FAT3: variants seen among roughly 807,000 people sequenced by gnomAD.
FAT3 encodes FAT atypical cadherin 3.
A neutral mutation model predicts 310.2 loss-of-function variants in FAT3; 95 were observed. That is an observed-to-expected ratio of 0.31 (90% CI 0.26 to 0.36). FAT3 has a LOEUF of 0.36. FAT3 is among the 10% of genes least tolerant of loss of function. The pLI is 1.00. For missense variants in FAT3, 5,408 were observed against 5,715.6 expected, an observed-to-expected ratio of 0.95 and a Z score of 1.74; for synonymous variants, 2,314 against 2,192.9, an observed-to-expected ratio of 1.06 and a Z score of -1.54.
intron 12 of FAT3, among the ~76,000 whole-genome samples, chr11:92,809,296 ACAATAGGGGTCCTT>A (rs910687013): frequency 6.6e-6 from 1 of 152,230 alleles, no homozygotes; most frequent in Non-Finnish European, 1.5e-5. Context: ...TAACCCTTAC[ACAATAGGGGTCCTT>A]CAAGACCCTG....
At chr11:92,812,135 GA>G (rs2136216475) in intron 13 of FAT3, among the ~76,000 whole-genome samples, 1 of 152,274 alleles carries the variant, frequency 6.6e-6, no homozygotes, top group African/African-American at 2.4e-5. Flanking sequence ...GGCCTGATCA[GA>G]ACACTTACTG....
At chr11:92,823,658 C>A (rs3847534) in intron 13 of FAT3, among the ~76,000 whole-genome samples, 114,137 of 151,998 alleles carry the variant, frequency 0.75, 44,138 homozygotes, top group Non-Finnish European at 0.84. Flanking sequence ...TTGGTGCAGT[C>A]ATCAGGGTCT....
Position 92,697,420 on chromosome 11 carries a change from A to T in FAT3, c.3644A>T (p.Glu1215Val). The change falls in exon 4 of 28, where the codon GAA becomes GTA. Residue 1215 changes from glutamate to valine, a missense_variant. This residue lies in a region of FAT3 where 4,588 missense variants were observed against 4,809.8 expected (regional missense o/e 0.95). Transcript: ENST00000525166. The stretch of plus-strand genomic sequence containing the variant: ...ACAACTTCAAGGAAATTGGATCGAG[A>T]ACAGCAGGCAGAACATTTTCTGGAG... ...ITTTSRKLDR[E>V]QQAEHFLEVT... 6.2e-7 allele frequency: 1 copy of T among 1,613,902 alleles called. No individual in the cohort carries two copies. The highest frequency in any genetic ancestry group is 8.5e-7 in the Non-Finnish European group (1 of 1,179,820).
intron 17 of FAT3, among the ~76,000 whole-genome samples, chr11:92,839,172 T>G: frequency 6.6e-6 from 1 of 152,178 alleles, no homozygotes; most frequent in East Asian, 1.9e-4. Flanking sequence ...TGTTTTCAAA[T>G]GCGCAACAGG....
intron 4 of FAT3, among the ~76,000 whole-genome samples, 160 bp from the exon 5 acceptor site, chr11:92,761,696 A>G (rs1011163738): frequency 6.6e-6 from 1 of 152,208 alleles, no homozygotes; most frequent in Non-Finnish European, 1.5e-5. Flanking sequence ...AGGGGGACAC[A>G]ATTCAATCTA....
chr11:92,826,399 GA>G (rs1213293190), intron 13 of FAT3, among the ~76,000 whole-genome samples: 1 of 152,220 alleles, frequency 6.6e-6, no homozygotes, highest in African/African-American at 2.4e-5. Context: ...ATAAAGCCAG[GA>G]GAAAGTGTTG....
chr11:92,297,570 A>G (rs545677072), intron 1 of FAT3, among the ~76,000 whole-genome samples: 1 of 152,254 alleles, frequency 6.6e-6, no homozygotes, highest in African/African-American at 2.4e-5. Context: ...TTGATGCCTT[A>G]ATCCATTCTC....
At chr11:92,256,474 A>G (rs1352959118) in intron 1 of FAT3, among the ~76,000 whole-genome samples, 4 of 152,032 alleles carry the variant, frequency 2.6e-5, no homozygotes, top group Non-Finnish European at 4.4e-5. Context: ...TCATAAGATA[A>G]AATTCGAGTT....
At chr11:92,254,617 C>G (rs1372171735) in intron 1 of FAT3, among the ~76,000 whole-genome samples, 1 of 152,062 alleles carries the variant, frequency 6.6e-6, no homozygotes, top group African/African-American at 2.4e-5. Context: ...CTACTTATGG[C>G]ATGTTACCCT....
intron 7 of FAT3, among the ~76,000 whole-genome samples, chr11:92,777,689 C>T (rs1005553711): frequency 2.6e-5 from 4 of 152,080 alleles, no homozygotes; most frequent in South Asian, 2.1e-4. Context: ...AACTCTGTCA[C>T]GAAACAGATG....
At chr11:92,465,526 G>A (rs1045070711) in intron 2 of FAT3, among the ~76,000 whole-genome samples, 1 of 152,020 alleles carries the variant, frequency 6.6e-6, no homozygotes, top group East Asian at 1.9e-4. Context: ...ATCTCATTGT[G>A]GTTTTGATTT....
At chr11:92,368,102 C>T (rs535052443) in intron 2 of FAT3, among the ~76,000 whole-genome samples, 1 of 152,232 alleles carries the variant, frequency 6.6e-6, no homozygotes, top group African/African-American at 2.4e-5. Context: ...ATGTCTGACA[C>T]ACCTCTCTAA....
intron 2 of FAT3, among the ~76,000 whole-genome samples, chr11:92,389,901 T>C (rs1343180960): frequency 6.6e-6 from 1 of 152,150 alleles, no homozygotes; most frequent in Non-Finnish European, 1.5e-5. Context: ...ATGGTCTCTG[T>C]CTAATCAACC....
At chr11:92,226,404 C>CG (rs1863909847) in intron 1 of FAT3, among the ~76,000 whole-genome samples, 1 of 79,540 alleles carries the variant, frequency 1.3e-5, no homozygotes, top group South Asian at 4.6e-4. Flanking sequence ...CTCTTGTGGG[C>CG]GGGGGGTGGC....
chr11:92,454,014 CA>C (rs11289078), intron 2 of FAT3, among the ~76,000 whole-genome samples: 3,504 of 151,828 alleles, frequency 0.023, 146 homozygotes, highest in African/African-American at 0.08. Flanking sequence ...GTAAAAAAGA[CA>C]AAAAAGGTAA....
intron 2 of FAT3, among the ~76,000 whole-genome samples, chr11:92,464,640 A>T (rs2135123120): frequency 6.6e-6 from 1 of 152,318 alleles, no homozygotes; most frequent in East Asian, 1.9e-4. Flanking sequence ...TCGTACATTA[A>T]CTAGTTATGC....
intron 7 of FAT3, among the ~76,000 whole-genome samples, chr11:92,776,561 G>T (rs1191865854): frequency 6.6e-6 from 1 of 152,100 alleles, no homozygotes. Flanking sequence ...ATGGAAACAT[G>T]TATTACAAGA....
chr11:92,338,838 A>G (rs756508005), intron 1 of FAT3, among the ~76,000 whole-genome samples: 42 of 152,102 alleles, frequency 2.8e-4, no homozygotes, highest in Admixed American at 7.2e-4. Context: ...TACCACCAAG[A>G]GGTGATGGAT....
intron 2 of FAT3, among the ~76,000 whole-genome samples, chr11:92,396,787 A>G (rs553125683): frequency 6.6e-6 from 1 of 152,006 alleles, no homozygotes; most frequent in East Asian, 1.9e-4. Flanking sequence ...GCTCACTGCA[A>G]CCTCCACCCT....
Sources: gnomAD v4.1 joint callset for allele counts (sites outside exome capture counted in the v4.1 genomes callset) on GRCh38, gnomAD v4.1.1 for gene constraint, gnomAD v4.1.1 regional missense constraint, MANE v1.5 for transcripts, NCBI Gene and HGNC (gene_info 2026-07-23, HGNC 2026-07-21) for gene names.